The following SDR16C5 variants were observed in gnomAD, a reference collection of about 807,000 sequenced individuals.
SDR16C5 encodes short chain dehydrogenase/reductase family 16C member 5.
A neutral mutation model predicts 27.7 loss-of-function variants in SDR16C5; 20 were observed. The observed-to-expected ratio is 0.72, with a 90% CI of 0.51 to 1.05. The LOEUF (loss-of-function observed/expected upper bound fraction) is 1.05. Among genes scored for constraint, SDR16C5 ranks in the 50% least tolerant of loss-of-function variants. The pLI, the probability that SDR16C5 is intolerant of heterozygous loss-of-function variation, is 0.00. For missense variants in SDR16C5, 374 were observed against 366.3 expected (o/e 1.02, Z -0.17); for synonymous variants, 139 against 132.3 (o/e 1.05, Z -0.35).
intron 1 of SDR16C5, among the ~76,000 whole-genome samples, chr8:56,318,904 T>G (rs116516924): frequency 6.6e-6 from 1 of 152,166 alleles, no homozygotes; most frequent in African/African-American, 2.4e-5. Flanking sequence ...AAAGTTTGGG[T>G]TGGAATTCCA....
chr8:56,303,688 G>C (rs1046107014), intron 6 of SDR16C5, among the ~76,000 whole-genome samples: 11 of 152,158 alleles, frequency 7.2e-5, no homozygotes, highest in African/African-American at 2.7e-4. Flanking sequence ...CAGCTATCTA[G>C]CCCTCTCTCA....
At position 56,319,605 on chromosome 8, in the gene SDR16C5, G is replaced by C. The variant is rs546580074; in HGVS notation, c.-15+454C>G. 7.2e-5 allele frequency among the ~76,000 whole-genome samples: 11 copies of C among 152,312 alleles called. No individual in the cohort carries two copies. The South Asian group carries it at 2.3e-3, about 32-fold the overall frequency. ...CGCGGCAGCAAGTCGGCTCTGGTGA[G>C]GGCACCCGGACGAAACGGGAGGGCA... On this transcript the variant is annotated intron_variant, in intron 1 of 6. Transcript: ENST00000303749.
chr8:56,317,370 A>C (rs1364935149), intron 1 of SDR16C5, among the ~76,000 whole-genome samples: 1 of 152,082 alleles, frequency 6.6e-6, no homozygotes, highest in Non-Finnish European at 1.5e-5. Context: ...GCTACCAGTT[A>C]CTCACACTTT....
chr8:56,315,306 T>A lies in SDR16C5; in HGVS notation c.333+709A>T, dbSNP rs182970029. On this transcript the variant is annotated intron_variant, in intron 2 of 6. Coordinates refer to ENST00000303749, the MANE Select transcript of SDR16C5 (RefSeq NM_138969.4). The stretch of plus-strand genomic sequence containing the variant: ...ACGTGCCTCTATGATGGTAAGAAAA[T>A]CCCTACCATCTTCATGTCAGAGCTT... Among the ~76,000 whole-genome samples, 992 of 151,208 alleles carry A rather than the reference T, an allele frequency of 6.6e-3. 6 individuals are homozygous for A. Among genetic ancestry groups the A allele is most frequent in the Admixed American group, 0.011 (174 of 15,204 alleles).
chr8:56,311,240 CCT>C (rs1185057229), intron 3 of SDR16C5, among the ~76,000 whole-genome samples: 1 of 152,000 alleles, frequency 6.6e-6, no homozygotes, highest in African/African-American at 2.4e-5. Context: ...GTGGTGAAAC[CCT>C]GTCTCTACTA....
chr8:56,308,832 T>G (rs1295028514), intron 4 of SDR16C5, 96 bp downstream of exon 4: 1 of 818,194 alleles, frequency 1.2e-6, no homozygotes, highest in Non-Finnish European at 2.0e-6. Flanking sequence ...TTATCCTTTA[T>G]CTTAGGGCAT....
At chr8:56,301,773 A>G (rs1814762943) in intron 6 of SDR16C5, among the ~76,000 whole-genome samples, 200 bp from the exon 7 acceptor site, 1 of 152,126 alleles carries the variant, frequency 6.6e-6, no homozygotes. Flanking sequence ...GGGCCTTGAC[A>G]GGTCTTCTGG....
rs764880946 is a variant in SDR16C5, at chr8:56,303,942, A to T, written c.836+1655T>A. The T allele has an allele frequency of 4.3e-6, 3 of 702,504 alleles. No individual in the cohort carries two copies. The South Asian group carries it at 4.4e-5, about 10-fold the overall frequency. The allele number at this position is 702,504 out of a possible 1,614,324, so 43.5% of individuals were successfully genotyped here. ...TGTAAATGAAGAAGCCAAGACCTGG[A>T]GAATAAAGGGCACGCTCAGAGTCAC... On this transcript the variant is annotated intron_variant, in intron 6 of 6. Coordinates refer to ENST00000303749, the MANE Select transcript of SDR16C5 (RefSeq NM_138969.4).
chr8:56,315,777 C>T (rs144960032), intron 2 of SDR16C5, among the ~76,000 whole-genome samples: 139 of 152,242 alleles, frequency 9.1e-4, no homozygotes, highest in African/African-American at 3.1e-3. Flanking sequence ...AAGCCTTAGT[C>T]TCCTTACTTG....
chr8:56,314,134 G>A (rs1815125278), intron 2 of SDR16C5, among the ~76,000 whole-genome samples: 1 of 152,054 alleles, frequency 6.6e-6, no homozygotes, highest in African/African-American at 2.4e-5. Flanking sequence ...TTGAACCCGG[G>A]AGGTGGAGTT....
chr8:56,308,804 A>T, intron 4 of SDR16C5, 124 bp downstream of exon 4: 2 of 626,798 alleles, frequency 3.2e-6, no homozygotes, highest in Admixed American at 6.4e-5. Flanking sequence ...CCACTTATTG[A>T]CTATACTTTT....
chr8:56,302,808 C>A (rs1255811554), intron 6 of SDR16C5, among the ~76,000 whole-genome samples: 2 of 151,008 alleles, frequency 1.3e-5, no homozygotes, highest in African/African-American at 4.9e-5. Context: ...TAGCAAGACC[C>A]CATCTCTAAA....
intron 1 of SDR16C5, 43 bp from the exon 2 acceptor site, chr8:56,316,404 T>A (rs1485560805): frequency 7.7e-7 from 1 of 1,290,694 alleles, no homozygotes; most frequent in East Asian, 2.3e-5. Flanking sequence ...ATTTGTCCAT[T>A]TCCTCTGAGT....
At chr8:56,314,067 C>T (rs180929837) in intron 2 of SDR16C5, among the ~76,000 whole-genome samples, 70 of 152,130 alleles carry the variant, frequency 4.6e-4, no homozygotes, top group African/African-American at 1.6e-3. Context: ...ATTAGCTGGG[C>T]GTGGTAGCGT....
intron 4 of SDR16C5, 49 bp downstream of exon 4, chr8:56,308,879 T>C (rs1158978567): frequency 1.2e-5 from 16 of 1,311,022 alleles, no homozygotes. Flanking sequence ...ATTGTGTAAG[T>C]TAAAGTTATA....
At chr8:56,317,292 C>T (rs1420205881) in intron 1 of SDR16C5, among the ~76,000 whole-genome samples, 1 of 152,130 alleles carries the variant, frequency 6.6e-6, no homozygotes, top group Non-Finnish European at 1.5e-5. Context: ...AAGGCATCCA[C>T]TAGGTCTGCT....
intron 2 of SDR16C5, among the ~76,000 whole-genome samples, chr8:56,314,221 C>G (rs1277945444): frequency 6.6e-6 from 1 of 151,178 alleles, no homozygotes; most frequent in African/African-American, 2.4e-5. Context: ...AAAAAATTAT[C>G]TGGTACTTTC....
chr8:56,315,261 A>AT (rs398007916), intron 2 of SDR16C5, among the ~76,000 whole-genome samples: 1 of 151,584 alleles, frequency 6.6e-6, no homozygotes, highest in Admixed American at 6.6e-5. Context: ...AAAAAAAAAA[A>AT]TTCCTTGTGA....
rs1563438556 is a variant in SDR16C5, at chr8:56,305,446, A to G, written c.836+151T>C. The G allele has an allele frequency of 1.1e-5, 7 of 634,010 alleles. No homozygotes were observed. In the East Asian group the frequency reaches 1.5e-4, roughly 13 times the overall value. The allele number at this position is 634,010 out of a possible 1,614,324, so 39.3% of individuals were successfully genotyped here. A position where few individuals can be genotyped will look rare whatever the true frequency, so the allele number is the denominator to read the frequency against. The stretch of plus-strand genomic sequence containing the variant: ...GTGTAAATTTGGTATTGTGTCAGCA[A>G]TGGGCACAATGATAGGACTAACAGG... On this transcript the variant is annotated intron_variant, in intron 6 of 6. Transcript: ENST00000303749.
Sources: allele counts gnomAD v4.1 joint callset (sites outside exome capture counted in the v4.1 genomes callset), GRCh38; gene constraint gnomAD v4.1.1; transcripts MANE v1.5; gene names NCBI Gene and HGNC (gene_info 2026-07-23, HGNC 2026-07-21).